FHIP1A: variants seen among roughly 807,000 people sequenced by gnomAD.
The protein encoded by FHIP1A is FHF complex subunit HOOK interacting protein 1A.
Under a neutral mutation model 88.6 loss-of-function variants are expected in FHIP1A, and 61 were observed. The observed-to-expected ratio is 0.69, with a 90% CI of 0.56 to 0.85. The LOEUF is 0.85. Among genes scored for constraint, FHIP1A ranks in the 40% least tolerant of loss-of-function variants. The pLI is 0.00. For synonymous variants in FHIP1A, 478 were observed against 496.0 expected (o/e 0.96, Z 0.48); for missense variants, 1,154 against 1,273.5 (o/e 0.91, Z 1.43).
intron 2 of FHIP1A, among the ~76,000 whole-genome samples, chr4:151,457,726 G>A (rs1047880573): frequency 5.3e-5 from 8 of 151,928 alleles, no homozygotes; most frequent in African/African-American, 1.7e-4. Context: ...CTCCCCTTCC[G>A]CCCCTTTTTT....
At chr4:151,563,402 A>T (rs902259950) in intron 3 of FHIP1A, among the ~76,000 whole-genome samples, 2 of 152,170 alleles carry the variant, frequency 1.3e-5, no homozygotes, top group Admixed American at 1.3e-4. Context: ...TCTCTCAGGC[A>T]TGAAATTTGA....
intron 3 of FHIP1A, among the ~76,000 whole-genome samples, chr4:151,554,507 A>C (rs1732870119): frequency 6.6e-6 from 1 of 152,116 alleles, no homozygotes. Context: ...GTTAAACTAA[A>C]AGGTTTAGAG....
At chr4:151,653,381 C>G (rs924586775) in intron 11 of FHIP1A, among the ~76,000 whole-genome samples, 5 of 151,622 alleles carry the variant, frequency 3.3e-5, no homozygotes, top group African/African-American at 1.2e-4. Context: ...TCTCTCTCCC[C>G]CTCCCTCTCC....
At chr4:151,622,609 G>A (rs1028452002) in intron 7 of FHIP1A, among the ~76,000 whole-genome samples, 6 of 152,034 alleles carry the variant, frequency 3.9e-5, no homozygotes, top group African/African-American at 7.2e-5. Flanking sequence ...AATATGCTTC[G>A]AATAGTCCTT....
intron 1 of FHIP1A, among the ~76,000 whole-genome samples, chr4:151,441,501 A>C (rs908030563): frequency 6.6e-6 from 1 of 152,170 alleles, no homozygotes. Context: ...TTTAAAAGTA[A>C]TTTTATGGAT....
At chr4:151,573,071 A>C (rs1243357041) in intron 4 of FHIP1A, among the ~76,000 whole-genome samples, 1 of 152,206 alleles carries the variant, frequency 6.6e-6, no homozygotes, top group African/African-American at 2.4e-5. Flanking sequence ...GAAATACGCT[A>C]TTTATTAATC....
At chr4:151,444,417 A>G (rs561789767) in intron 1 of FHIP1A, among the ~76,000 whole-genome samples, 6 of 152,320 alleles carry the variant, frequency 3.9e-5, no homozygotes, top group African/African-American at 9.6e-5. Flanking sequence ...GAAACTTAAT[A>G]AAATGAGCAT....
intron 3 of FHIP1A, among the ~76,000 whole-genome samples, chr4:151,535,619 C>T (rs567030272): frequency 1.3e-5 from 2 of 152,224 alleles, no homozygotes; most frequent in East Asian, 1.9e-4. Flanking sequence ...GTGTTTAGTT[C>T]TTTCTCACCT....
At position 151,577,604 on chromosome 4, in the gene FHIP1A, C is replaced by T. The variant is rs760778122; in HGVS notation, c.260C>T (p.Pro87Leu). ...CAAGCCAAAGATGCTGCAATGGGGCCGATTCTGGAATTTGTGGTCTCTGAG... is the reference window on the plus strand; with the variant it reads ...CAAGCCAAAGATGCTGCAATGGGGCTGATTCTGGAATTTGTGGTCTCTGAG... ...EEQAKDAAMG[P>L]ILEFVVSENI... The change falls in exon 5 of 14, where the codon CCG (proline) becomes CTG (leucine). Residue 87 changes from proline to leucine, a missense_variant. By Grantham distance (98) the Pro-to-Leu change is moderately conservative. Transcript: ENST00000435205. The T allele has an allele frequency of 6.6e-5, 102 of 1,551,636 alleles. No individual in the cohort carries two copies. The highest frequency in any genetic ancestry group is 2.7e-4 in the East Asian group (11 of 40,928).
At position 151,670,326 on chromosome 4, in the gene FHIP1A, T is replaced by C. The variant is rs1048813170; in HGVS notation, c.*7572T>C. 4.6e-5 allele frequency: 7 copies of C among 152,170 alleles called. No homozygotes were observed. The highest frequency in any genetic ancestry group is 1.7e-4 in the African/African-American group (7 of 41,434). The allele number at this position is 152,170 out of a possible 1,614,324, so 9.4% of individuals were successfully genotyped here. On this transcript the variant is annotated 3_prime_UTR_variant, in exon 14 of 14. Transcript: ENST00000435205. ...TGATTTACTAATTTATAATCTTATT[T>C]CCAAGCAAAACAAGTCAATTTCATG...
At chr4:151,431,075 T>G (rs1052259024) in intron 1 of FHIP1A, among the ~76,000 whole-genome samples, 9 of 152,218 alleles carry the variant, frequency 5.9e-5, no homozygotes, top group African/African-American at 1.9e-4. Flanking sequence ...GAGAACCATC[T>G]TTTGAATTTG....
chr4:151,465,460 C>A (rs1324363738), intron 2 of FHIP1A, among the ~76,000 whole-genome samples: 1 of 152,162 alleles, frequency 6.6e-6, no homozygotes, highest in Middle Eastern at 3.2e-3. Flanking sequence ...GGAGCTGATA[C>A]CAATCCTTCT....
At chr4:151,557,852 G>A (rs1003712386) in intron 3 of FHIP1A, among the ~76,000 whole-genome samples, 5 of 152,266 alleles carry the variant, frequency 3.3e-5, no homozygotes, top group Middle Eastern at 6.8e-3. Context: ...TTTTTCTATT[G>A]TAGGGTCTCT....
At chr4:151,601,032 C>T (rs1009127860) in intron 7 of FHIP1A, among the ~76,000 whole-genome samples, 2 of 152,132 alleles carry the variant, frequency 1.3e-5, no homozygotes, top group Non-Finnish European at 2.9e-5. Flanking sequence ...GGCAGGTTTA[C>T]CACAGTTGCC....
Position 151,649,876 on chromosome 4 carries a change from A to T in FHIP1A, c.1835A>T (p.Asp612Val). Residue 612 changes from aspartate to valine, a missense_variant, in exon 11 of 14, where the codon GAT (aspartate) becomes GTT (valine). Coordinates refer to ENST00000435205, the MANE Select transcript of FHIP1A (RefSeq NM_001109977.3). The part of the protein sequence containing the change: ...LEVSGPPAPI[D>V]PPKHIQEMKK... ...GTTTCAGGCCCCCCAGCACCCATTGATCCCCCCAAACACATCCAGGAGATG... is the reference window on the plus strand; with the variant it reads ...GTTTCAGGCCCCCCAGCACCCATTGTTCCCCCCAAACACATCCAGGAGATG... 8 of 1,551,350 alleles carry T rather than the reference A, an allele frequency of 5.2e-6. No individual in the cohort carries two copies. The highest frequency in any genetic ancestry group is 7.0e-6 in the Non-Finnish European group (8 of 1,146,896).
intron 3 of FHIP1A, among the ~76,000 whole-genome samples, chr4:151,514,995 C>G (rs1207795726): frequency 2.0e-5 from 3 of 151,942 alleles, no homozygotes; most frequent in African/African-American, 4.8e-5. Flanking sequence ...GGCAGAGACA[C>G]AACCAAAAAA....
At chr4:151,444,195 C>T (rs748714191) in intron 1 of FHIP1A, among the ~76,000 whole-genome samples, 2 of 152,052 alleles carry the variant, frequency 1.3e-5, no homozygotes, top group Non-Finnish European at 1.5e-5. Flanking sequence ...GAGCTCTTTT[C>T]AATAGTATGG....
At chr4:151,468,234 G>A (rs1242279704) in intron 2 of FHIP1A, among the ~76,000 whole-genome samples, 2 of 140,806 alleles carry the variant, frequency 1.4e-5, no homozygotes, top group Non-Finnish European at 3.0e-5. Context: ...TCAGTGAGCC[G>A]AGATTGCGCC....
chr4:151,652,900 C>G (rs919359636), intron 11 of FHIP1A, among the ~76,000 whole-genome samples: 6 of 152,184 alleles, frequency 3.9e-5, no homozygotes, highest in Non-Finnish European at 5.9e-5. Flanking sequence ...GGAATGGAAA[C>G]CTTGTGCCCT....
Sources: gnomAD v4.1 joint callset for allele counts (sites outside exome capture counted in the v4.1 genomes callset) on GRCh38, gnomAD v4.1.1 for gene constraint, MANE v1.5 for transcripts, NCBI Gene and HGNC (gene_info 2026-07-23, HGNC 2026-07-21) for gene names.